Variants in ZFHX3 observed in about 807,000 individuals in gnomAD.
ZFHX3 encodes the protein zinc finger homeobox 3.
A neutral mutation model predicts 279.1 loss-of-function variants in ZFHX3; 42 were observed. The ratio of observed to expected loss-of-function variants is 0.15; its 90% CI spans 0.12 to 0.19. The LOEUF (loss-of-function observed/expected upper bound fraction) is 0.19, where lower values mean the gene tolerates loss of function less well. Ranked by LOEUF, ZFHX3 falls within the 10% of genes least tolerant of loss-of-function variation. The pLI is 1.00. For synonymous variants in ZFHX3, 2,293 were observed against 1,957.8 expected (o/e 1.17, Z -4.52); for missense variants, 4,981 against 4,754.0 (o/e 1.05, Z -1.40).
intron 3 of ZFHX3, among the ~76,000 whole-genome samples, chr16:72,914,402 C>T (rs952916782): frequency 6.6e-6 from 1 of 152,178 alleles, no homozygotes; most frequent in Admixed American, 6.5e-5. Flanking sequence ...ATCTCAGCCC[C>T]TATCTACTAC....
intron 3 of ZFHX3, among the ~76,000 whole-genome samples, chr16:73,397,706 A>C (rs1181347979): frequency 6.6e-6 from 1 of 151,552 alleles, no homozygotes; most frequent in Non-Finnish European, 1.5e-5. Context: ...AAGTCAATGG[A>C]TCTGACTGAC....
At chr16:73,779,686 A>G (rs917029478) in intron 1 of ZFHX3, among the ~76,000 whole-genome samples, 7 of 152,224 alleles carry the variant, frequency 4.6e-5, no homozygotes, top group African/African-American at 1.2e-4. Context: ...CCGTTGTACA[A>G]CAACAAAGAT....
chr16:73,217,101 G>T (rs1000612205), intron 5 of ZFHX3, among the ~76,000 whole-genome samples: 2 of 152,180 alleles, frequency 1.3e-5, no homozygotes, highest in African/African-American at 4.8e-5. Flanking sequence ...AGTTTTGCCC[G>T]TAATAATGTT....
chr16:73,139,204 C>A (rs995626376), intron 6 of ZFHX3, among the ~76,000 whole-genome samples: 1 of 152,188 alleles, frequency 6.6e-6, no homozygotes, highest in African/African-American at 2.4e-5. Context: ...GTATATCCAA[C>A]ACTGGAATGC....
intron 2 of ZFHX3, among the ~76,000 whole-genome samples, chr16:73,538,104 G>A (rs908243823): frequency 3.3e-5 from 5 of 152,114 alleles, no homozygotes; most frequent in Non-Finnish European, 4.4e-5. Context: ...AGAACATTCT[G>A]AGCAATGAAT....
intron 1 of ZFHX3, among the ~76,000 whole-genome samples, chr16:73,752,310 A>G (rs575039137): frequency 1.3e-5 from 2 of 152,140 alleles, no homozygotes; most frequent in African/African-American, 2.4e-5. Flanking sequence ...TGACTGGGAG[A>G]TCTATTTACT....
rs1317007365 is a variant in ZFHX3, at chr16:72,794,554, G to A, written c.8128C>T (p.His2710Tyr). The change falls in exon 9 of 10, where the codon CAC becomes TAC. Residue 2710 changes from histidine (H) to tyrosine (Y), a missense_variant. His to Tyr is a moderately conservative substitution (Grantham distance 83, BLOSUM62 2). Around this residue, in one of 7 missense-constraint regions of ZFHX3, gnomAD observed 744 missense variants for 701.3 expected, o/e 1.06. Transcript: ENST00000268489. The surrounding 1 kb of genome is among the most constrained non-coding windows in gnomAD (Gnocchi z 4.2). ...GCTCTGCAAAAAGGGCATCTCCTGT[G>A]GGCCTGCGCTGGGCCTACAGCCCGG... is the stretch of plus-strand genomic sequence containing the variant. Reference protein sequence around the residue: ...QFRAVGPAQAHRRCPFCRALF... With the variant: ...QFRAVGPAQAYRRCPFCRALF... 1 of 1,614,184 alleles carries A rather than the reference G, an allele frequency of 6.2e-7. No individual in the cohort carries two copies. The highest frequency in any genetic ancestry group is 8.5e-7 in the Non-Finnish European group (1 of 1,180,044).
chr16:73,173,775 T>C (rs914334444), intron 5 of ZFHX3, among the ~76,000 whole-genome samples: 3 of 152,114 alleles, frequency 2.0e-5, no homozygotes, highest in Admixed American at 2.0e-4. Context: ...GCCACGGATA[T>C]ACCCTGCCAT....
chr16:73,240,938 G>T (rs769705394), intron 5 of ZFHX3, among the ~76,000 whole-genome samples: 4 of 152,172 alleles, frequency 2.6e-5, no homozygotes, highest in Non-Finnish European at 5.9e-5. Flanking sequence ...TCTACTTTCT[G>T]GCAAAGTTCA....
intron 2 of ZFHX3, among the ~76,000 whole-genome samples, chr16:73,546,185 T>C (rs2020105008): frequency 6.6e-6 from 1 of 152,212 alleles, no homozygotes; most frequent in Admixed American, 6.5e-5. Context: ...TCTCTTGCAA[T>C]ATTAAATTCC....
chr16:73,531,174 C>T (rs2143727581), intron 2 of ZFHX3, among the ~76,000 whole-genome samples: 1 of 152,304 alleles, frequency 6.6e-6, no homozygotes, highest in South Asian at 2.1e-4. Flanking sequence ...GTTTTGGGCT[C>T]AGTCTTGGCA....
intron 4 of ZFHX3, among the ~76,000 whole-genome samples, chr16:73,312,545 C>T (rs538960799): frequency 5.9e-5 from 9 of 152,188 alleles, no homozygotes; most frequent in Non-Finnish European, 1.2e-4. Context: ...AGCGATGCTA[C>T]TCATACATTC....
At chr16:72,940,757 T>A (rs1008766380) in intron 3 of ZFHX3, among the ~76,000 whole-genome samples, 14 of 152,244 alleles carry the variant, frequency 9.2e-5, no homozygotes, top group African/African-American at 3.1e-4. Context: ...GAGGCTCTCA[T>A]CCTGAGTCCG....
At chr16:73,873,339 G>C (rs1171561492) in intron 1 of ZFHX3, among the ~76,000 whole-genome samples, 1 of 151,654 alleles carries the variant, frequency 6.6e-6, no homozygotes, top group Non-Finnish European at 1.5e-5. Flanking sequence ...GACCAAATTA[G>C]CCAAGTGTGC....
chr16:73,545,039 C>G (rs2020085883), intron 2 of ZFHX3, among the ~76,000 whole-genome samples: 1 of 152,024 alleles, frequency 6.6e-6, no homozygotes. Context: ...TACACGAGGC[C>G]CCTCATACAA....
chr16:72,794,699 T>C lies in ZFHX3; in HGVS notation c.7983A>G (p.Leu2661=), dbSNP rs934420254. 6.2e-7 allele frequency: 1 copy of C among 1,614,252 alleles called. No individual in the cohort carries two copies. Among genetic ancestry groups the C allele is most frequent in the Non-Finnish European group, 8.5e-7 (1 of 1,180,050 alleles). ...EQLEILYQKY[L]LDSNPTRKML... ...TCTTTCGAGTCGGATTGGAATCCAG[T>C]AGATACTTCTGGTAGAGAATTTCTA... The change falls in exon 9 of 10, where the codon CTA becomes CTG. Residue 2661 remains leucine, a synonymous_variant. Transcript: ENST00000268489. This position sits in a 1 kb window ranked among gnomAD's most constrained non-coding sequence, Gnocchi z 4.2.
At chr16:73,641,110 G>T (rs1434233783) in intron 2 of ZFHX3, among the ~76,000 whole-genome samples, 1 of 152,098 alleles carries the variant, frequency 6.6e-6, no homozygotes, top group Non-Finnish European at 1.5e-5. Flanking sequence ...CCTAGTTTGG[G>T]GTTGGAATAA....
intron 1 of ZFHX3, among the ~76,000 whole-genome samples, chr16:73,790,621 C>T (rs981201133): frequency 1.3e-5 from 2 of 152,346 alleles, no homozygotes; most frequent in Middle Eastern, 3.4e-3. Context: ...TGTGGCATCA[C>T]TTTGCCCTTG....
chr16:73,858,100 A>C (rs561204190), intron 1 of ZFHX3, among the ~76,000 whole-genome samples: 1 of 152,038 alleles, frequency 6.6e-6, no homozygotes, highest in Admixed American at 6.5e-5. Flanking sequence ...TGTCTCAAAA[A>C]AAAAAAAAGA....
Sources: allele counts gnomAD v4.1 joint callset (sites outside exome capture counted in the v4.1 genomes callset), GRCh38; gene constraint gnomAD v4.1.1; regional missense constraint gnomAD v4.1.1; non-coding constraint Gnocchi (gnomAD v3.1); transcripts MANE v1.5; gene names NCBI Gene and HGNC (gene_info 2026-07-23, HGNC 2026-07-21).